PPFIA2: variants seen among roughly 807,000 people sequenced by gnomAD.
PPFIA2 encodes the protein PPFI scaffold protein A2.
A neutral mutation model predicts 175.5 loss-of-function variants in PPFIA2; 46 were observed. The observed-to-expected ratio is 0.26, with a 90% CI of 0.21 to 0.34. The LOEUF (loss-of-function observed/expected upper bound fraction) is 0.34. Ranked by LOEUF, PPFIA2 falls within the 10% of genes least tolerant of loss-of-function variation. The pLI is 1.00. For synonymous variants in PPFIA2, 568 were observed against 511.4 expected (o/e 1.11, Z -1.49); for missense variants, 1,179 against 1,506.1 (o/e 0.78, Z 3.60).
chr12:81,745,407 G>A (rs557376664), intron 3 of PPFIA2, among the ~76,000 whole-genome samples: 2 of 152,294 alleles, frequency 1.3e-5, no homozygotes, highest in East Asian at 3.9e-4. Context: ...GAAACTTGGA[G>A]GGGAAAGACC....
rs1365009861 is a variant in PPFIA2, at chr12:81,753,877, T to C, written c.249+96A>G. On this transcript the variant is annotated intron_variant, in intron 3 of 32. Coordinates refer to ENST00000549396, the MANE Select transcript of PPFIA2 (RefSeq NM_003625.5). Reference sequence around the variant, plus strand: ...CTCACCAAAACGTGTGTATCACATATGTTAAGTGGAAAAGTAACATTAAGA... The same window carrying C: ...CTCACCAAAACGTGTGTATCACATACGTTAAGTGGAAAAGTAACATTAAGA... 2.8e-6 allele frequency: 4 copies of C among 1,439,310 alleles called. No homozygotes were observed. In the Admixed American group the frequency reaches 6.2e-5, roughly 22 times the overall value. 89.2% of individuals were successfully genotyped at this position (1,439,310 alleles called of 1,614,324 possible).
At chr12:81,352,194 T>C (rs953959340) in intron 17 of PPFIA2, among the ~76,000 whole-genome samples, 1 of 151,916 alleles carries the variant, frequency 6.6e-6, no homozygotes. Flanking sequence ...CATGAGGTCT[T>C]CCATAAATCT....
At chr12:81,545,598 T>G (rs2066868098) in intron 4 of PPFIA2, 1 of 153,280 alleles carries the variant, frequency 6.5e-6, no homozygotes, top group Non-Finnish European at 1.5e-5. Context: ...AAAATAGAAG[T>G]TGCACCATGG....
rs139664346 is a variant in PPFIA2, at chr12:81,694,255, A to G, written c.250-17411T>C. Among the ~76,000 whole-genome samples, 86 of 152,292 alleles carry G rather than the reference A, an allele frequency of 5.6e-4. 1 individual carries two copies. The highest frequency in any genetic ancestry group is 2.0e-3 in the African/African-American group (85 of 41,572). ...CAAGACAATGGAAAAAGGCCTCAAA[A>G]GCATTTCAGAAAACTGTGTGGCAGC... On this transcript the variant is annotated intron_variant, in intron 3 of 32. Coordinates refer to ENST00000549396, the MANE Select transcript of PPFIA2 (RefSeq NM_003625.5).
At chr12:81,609,246 T>C (rs2060646269) in intron 4 of PPFIA2, among the ~76,000 whole-genome samples, 1 of 152,124 alleles carries the variant, frequency 6.6e-6, no homozygotes, top group Non-Finnish European at 1.5e-5. Context: ...GAATAATGTA[T>C]ATTCTGTGGT....
chr12:81,545,864 C>A lies in PPFIA2; in HGVS notation c.304-87998G>T, dbSNP rs181883380. The A allele has an allele frequency of 4.6e-4, 70 of 152,394 alleles. No individual in the cohort carries two copies. The Middle Eastern group carries it at 0.01, about 22-fold the overall frequency. The allele number at this position is 152,394 out of a possible 1,614,324, so 9.4% of individuals were successfully genotyped here. Reference sequence around the variant, plus strand: ...GAGAGGCCAGGCGCCATGGCTCATGCCTGTAATCCCAGAACTTTGGGAGGC... The same window carrying A: ...GAGAGGCCAGGCGCCATGGCTCATGACTGTAATCCCAGAACTTTGGGAGGC... On this transcript the variant is annotated intron_variant, in intron 4 of 32. Transcript: ENST00000549396.
At chr12:81,422,376 A>C (rs965761829) in intron 7 of PPFIA2, among the ~76,000 whole-genome samples, 1 of 152,038 alleles carries the variant, frequency 6.6e-6, no homozygotes, top group African/African-American at 2.4e-5. Context: ...CTGCTGCATG[A>C]CTACTTTTAA....
intron 3 of PPFIA2, among the ~76,000 whole-genome samples, chr12:81,680,786 G>C (rs1436852681): frequency 2.0e-5 from 3 of 151,942 alleles, no homozygotes; most frequent in Admixed American, 6.6e-5. Flanking sequence ...CCTATCATTT[G>C]ACCCATCCAG....
rs1747863052 is a variant in PPFIA2 at position 81,683,773 on chromosome 12, TA to T, written c.250-6930del. Among the ~76,000 whole-genome samples, 10 of 152,088 alleles carry T rather than the reference TA, an allele frequency of 6.6e-5. No homozygotes were observed. The South Asian group carries it at 2.1e-3, about 32-fold the overall frequency. ...TAAAGGATGACCTGAGGCTCGGTAATAAAAATTAAATAAAGAAAAAAAAGGT... is the reference window on the plus strand; with the variant it reads ...TAAAGGATGACCTGAGGCTCGGTAATAAAATTAAATAAAGAAAAAAAAGGT... On this transcript the variant is annotated intron_variant, in intron 3 of 32. Coordinates refer to ENST00000549396, the MANE Select transcript of PPFIA2 (RefSeq NM_003625.5).
chr12:81,439,886 C>A, intron 7 of PPFIA2, 86 bp downstream of exon 7: 1 of 1,076,612 alleles, frequency 9.3e-7, no homozygotes, highest in Non-Finnish European at 1.4e-6. Context: ...TTTTTTGTGA[C>A]AGTTATAATA....
chr12:81,509,251 G>T (rs2061518420), intron 4 of PPFIA2, among the ~76,000 whole-genome samples: 1 of 152,060 alleles, frequency 6.6e-6, no homozygotes, highest in South Asian at 2.1e-4. Flanking sequence ...CTTCTCAGTG[G>T]CTCACAGACT....
At chr12:81,382,520 G>A (rs1289188633) in intron 9 of PPFIA2, among the ~76,000 whole-genome samples, 1 of 152,112 alleles carries the variant, frequency 6.6e-6, no homozygotes, top group African/African-American at 2.4e-5. Flanking sequence ...GAAAGTGATT[G>A]TGTAGAAAAA....
At chr12:81,308,697 T>G (rs2138919418) in intron 22 of PPFIA2, among the ~76,000 whole-genome samples, 1 of 152,346 alleles carries the variant, frequency 6.6e-6, no homozygotes, top group South Asian at 2.1e-4. Flanking sequence ...CTTTACCTTC[T>G]TATTGTCACA....
intron 24 of PPFIA2, among the ~76,000 whole-genome samples, chr12:81,289,306 A>G (rs963767856): frequency 6.6e-6 from 1 of 151,874 alleles, no homozygotes; most frequent in Admixed American, 6.6e-5. Context: ...CACTGAGCTG[A>G]CTAATGCCTA....
At chr12:81,531,925 AT>A (rs1315002031) in intron 4 of PPFIA2, among the ~76,000 whole-genome samples, 1 of 151,818 alleles carries the variant, frequency 6.6e-6, no homozygotes, top group Non-Finnish European at 1.5e-5. Context: ...ACTTGTGGAA[AT>A]AATTTTGAAT....
At chr12:81,679,821 A>G (rs1337133277) in intron 3 of PPFIA2, among the ~76,000 whole-genome samples, 2 of 151,972 alleles carry the variant, frequency 1.3e-5, no homozygotes, top group Non-Finnish European at 2.9e-5. Context: ...ATGCAAAAGG[A>G]ATTTTCTCAG....
chr12:81,459,310 T>G (rs1029945363), intron 4 of PPFIA2, among the ~76,000 whole-genome samples: 2 of 152,162 alleles, frequency 1.3e-5, no homozygotes, highest in African/African-American at 4.8e-5. Flanking sequence ...TAAAATTTTC[T>G]TCATATACAG....
At chr12:81,386,320 T>TAAGAA (rs1170195051) in intron 8 of PPFIA2, among the ~76,000 whole-genome samples, 9 of 131,250 alleles carry the variant, frequency 6.9e-5, no homozygotes, top group African/African-American at 2.3e-4. Context: ...AATAAATAAA[T>TAAGAA]AAGAAAAGAA....
At chr12:81,719,065 A>C (rs980059082) in intron 3 of PPFIA2, among the ~76,000 whole-genome samples, 1 of 151,698 alleles carries the variant, frequency 6.6e-6, no homozygotes, top group Non-Finnish European at 1.5e-5. Flanking sequence ...TATTCTTGGA[A>C]GATAATCATT....
Sources: allele counts gnomAD v4.1 joint callset (sites outside exome capture counted in the v4.1 genomes callset), GRCh38; gene constraint gnomAD v4.1.1; transcripts MANE v1.5; gene names NCBI Gene and HGNC (gene_info 2026-07-23, HGNC 2026-07-21).